ZNF385B: variants seen among roughly 807,000 people sequenced by gnomAD.
ZNF385B encodes zinc finger protein 385B.
A neutral mutation model predicts 39.2 loss-of-function variants in ZNF385B; 23 were observed. That is an observed-to-expected ratio of 0.59 (90% CI 0.42 to 0.83). The LOEUF (loss-of-function observed/expected upper bound fraction) is 0.83. ZNF385B is among the 40% of genes least tolerant of loss of function. ZNF385B has a pLI of 0.00. For missense variants in ZNF385B, 552 were observed against 598.9 expected, an observed-to-expected ratio of 0.92 and a Z score of 0.82; for synonymous variants, 205 against 222.6, an observed-to-expected ratio of 0.92 and a Z score of 0.70.
At chr2:179,668,278 T>A (rs7581866) in intron 3 of ZNF385B, among the ~76,000 whole-genome samples, 1 of 152,164 alleles carries the variant, frequency 6.6e-6, no homozygotes, top group Non-Finnish European at 1.5e-5. Context: ...GTAATACTCA[T>A]ATAGTTACCT....
chr2:179,795,258 GA>G (rs5836696), intron 1 of ZNF385B, among the ~76,000 whole-genome samples: 1 of 151,780 alleles, frequency 6.6e-6, no homozygotes, highest in Non-Finnish European at 1.5e-5. Context: ...ACTTTCAGGG[GA>G]AAAAAAGCAG....
chr2:179,806,244 A>G (rs995082958), intron 1 of ZNF385B, among the ~76,000 whole-genome samples: 5 of 152,222 alleles, frequency 3.3e-5, no homozygotes, highest in Non-Finnish European at 4.4e-5. Flanking sequence ...TACAAAATGT[A>G]CAAGATGATA....
intron 3 of ZNF385B, among the ~76,000 whole-genome samples, chr2:179,746,248 G>T (rs1274963266): frequency 2.0e-5 from 3 of 152,114 alleles, no homozygotes; most frequent in Admixed American, 6.6e-5. Flanking sequence ...AATAGCTCTG[G>T]CTTTTCAACA....
chr2:179,479,643 C>G (rs2053786397), intron 6 of ZNF385B, among the ~76,000 whole-genome samples: 1 of 152,018 alleles, frequency 6.6e-6, no homozygotes. Context: ...AGTTGAAGAC[C>G]AGCCTGGCCA....
At chr2:179,828,058 T>C (rs933516893) in intron 1 of ZNF385B, among the ~76,000 whole-genome samples, 1 of 152,218 alleles carries the variant, frequency 6.6e-6, no homozygotes, top group East Asian at 1.9e-4. Flanking sequence ...TTTATGAATA[T>C]ATCATTTTAT....
intron 5 of ZNF385B, among the ~76,000 whole-genome samples, chr2:179,504,065 C>T (rs1373994774): frequency 3.4e-5 from 5 of 148,962 alleles, no homozygotes; most frequent in African/African-American, 1.0e-4. Context: ...TGTGATAGTC[C>T]CCTTCCTGTG....
At chr2:179,457,966 C>T (rs561426614) in intron 6 of ZNF385B, among the ~76,000 whole-genome samples, 7 of 152,260 alleles carry the variant, frequency 4.6e-5, no homozygotes, top group Admixed American at 1.3e-4. Context: ...AAAGGCTTCC[C>T]GAACCCTGAG....
chr2:179,586,332 T>C (rs985871913), intron 3 of ZNF385B, among the ~76,000 whole-genome samples: 4 of 152,246 alleles, frequency 2.6e-5, no homozygotes, highest in Non-Finnish European at 5.9e-5. Context: ...ATGTCTTTTC[T>C]ATTAAACTGT....
chr2:179,559,253 C>G (rs1238847291), intron 3 of ZNF385B, among the ~76,000 whole-genome samples: 1 of 152,104 alleles, frequency 6.6e-6, no homozygotes, highest in Non-Finnish European at 1.5e-5. Flanking sequence ...GACTGGAAGA[C>G]AATGTGAGCT....
At chr2:179,731,848 G>A (rs1239645379) in intron 3 of ZNF385B, among the ~76,000 whole-genome samples, 1 of 152,178 alleles carries the variant, frequency 6.6e-6, no homozygotes, top group Non-Finnish European at 1.5e-5. Flanking sequence ...CCAGAGCTGG[G>A]AAGACTACCG....
intron 3 of ZNF385B, among the ~76,000 whole-genome samples, chr2:179,598,670 A>G (rs1574943940): frequency 6.6e-6 from 1 of 152,314 alleles, no homozygotes; most frequent in Middle Eastern, 3.4e-3. Flanking sequence ...ATCATATATT[A>G]GAATTTGGAT....
At chr2:179,485,663 A>G (rs1298713156) in intron 5 of ZNF385B, among the ~76,000 whole-genome samples, 2 of 152,220 alleles carry the variant, frequency 1.3e-5, no homozygotes, top group African/African-American at 2.4e-5. Context: ...GTTAAACATC[A>G]TATCTATATA....
At chr2:179,587,068 A>G (rs1234476526) in intron 3 of ZNF385B, among the ~76,000 whole-genome samples, 1 of 151,866 alleles carries the variant, frequency 6.6e-6, no homozygotes, top group Non-Finnish European at 1.5e-5. Context: ...ATTATGTATA[A>G]TTTTACTTTA....
intron 3 of ZNF385B, among the ~76,000 whole-genome samples, chr2:179,672,634 G>A (rs1263172927): frequency 6.6e-6 from 1 of 152,116 alleles, no homozygotes; most frequent in Non-Finnish European, 1.5e-5. Context: ...GTAGAGGCCC[G>A]ATGAATGGAA....
Position 179,724,182 on chromosome 2 carries a change from G to A in ZNF385B, c.298+45321C>T, listed in dbSNP as rs983105275. On this transcript the variant is annotated intron_variant, in intron 3 of 9. Coordinates refer to ENST00000410066, the MANE Select transcript of ZNF385B (RefSeq NM_152520.6). ...AAATTCACCGGGCATGGTGGCGGGCGCCTGCAATCCCAGCTACTTAGGAGG... is the reference window on the plus strand; with the variant it reads ...AAATTCACCGGGCATGGTGGCGGGCACCTGCAATCCCAGCTACTTAGGAGG... 2.2e-4 allele frequency among the ~76,000 whole-genome samples: 34 copies of A among 152,020 alleles called. 1 individual carries two copies. The highest frequency in any genetic ancestry group is 2.0e-3 in the Admixed American group (31 of 15,266).
chr2:179,749,126 C>T (rs1307461083), intron 3 of ZNF385B, among the ~76,000 whole-genome samples: 27 of 151,882 alleles, frequency 1.8e-4, no homozygotes, highest in Admixed American at 1.8e-3. Flanking sequence ...ACAGCAGCTT[C>T]CAAAAGTAAC....
intron 3 of ZNF385B, among the ~76,000 whole-genome samples, chr2:179,581,221 TTAAAAA>T (rs1406311863): frequency 1.2e-4 from 19 of 152,178 alleles, no homozygotes; most frequent in African/African-American, 4.6e-4. Context: ...AATTTCTACA[TTAAAAA>T]TAAGTAACAG....
At chr2:179,564,188 C>G (rs1684279980) in intron 3 of ZNF385B, among the ~76,000 whole-genome samples, 3 of 152,120 alleles carry the variant, frequency 2.0e-5, no homozygotes, top group African/African-American at 7.2e-5. Flanking sequence ...TTTTAGCCAG[C>G]CCCCTACATG....
At chr2:179,478,695 T>C (rs781515502) in intron 6 of ZNF385B, among the ~76,000 whole-genome samples, 30 of 152,208 alleles carry the variant, frequency 2.0e-4, no homozygotes, top group Non-Finnish European at 2.9e-5. Flanking sequence ...TTCCTCATAT[T>C]GATATCTAAT....
Sources: allele counts gnomAD v4.1 joint callset (sites outside exome capture counted in the v4.1 genomes callset), GRCh38; gene constraint gnomAD v4.1.1; transcripts MANE v1.5; gene names NCBI Gene and HGNC (gene_info 2026-07-23, HGNC 2026-07-21).